Variants in DLG2 observed in about 807,000 individuals in gnomAD.
DLG2 encodes discs large MAGUK scaffold protein 2, also known as disks large homolog 2.
A neutral mutation model predicts 132.5 loss-of-function variants in DLG2; 45 were observed. The ratio of observed to expected loss-of-function variants is 0.34; its 90% CI spans 0.27 to 0.44. DLG2 has a LOEUF of 0.44. Ranked by LOEUF, DLG2 falls within the 20% of genes least tolerant of loss-of-function variation. The pLI is 1.00. For missense variants in DLG2, 1,045 were observed against 1,196.9 expected (o/e 0.87, Z 1.87); for synonymous variants, 424 against 419.6 (o/e 1.01, Z -0.13).
intron 21 of DLG2, among the ~76,000 whole-genome samples, chr11:83,521,941 T>C (rs2095490393): frequency 6.6e-6 from 1 of 152,060 alleles, no homozygotes; most frequent in Non-Finnish European, 1.5e-5. Flanking sequence ...CACTCCTCCA[T>C]CCAATAACCT....
rs1032594600 is a variant in DLG2, at chr11:83,466,830, G to A, written c.2620-13C>T. On this transcript the variant is annotated splice_polypyrimidine_tract_variant and intron_variant, in intron 25 of 27. Coordinates refer to ENST00000376104, the MANE Select transcript of DLG2 (RefSeq NM_001142699.3). ...TACAGTGTTTGCCCTGGTAGAAAGA[G>A]AAGAAAAATATGAAGTTAATATAGG... 2 of 1,571,640 alleles carry A rather than the reference G, an allele frequency of 1.3e-6. No homozygotes were observed. The highest frequency in any genetic ancestry group is 1.8e-6 in the Non-Finnish European group (2 of 1,141,714).
chr11:84,199,567 G>A (rs1452967144), intron 8 of DLG2, among the ~76,000 whole-genome samples: 1 of 151,824 alleles, frequency 6.6e-6, no homozygotes, highest in Non-Finnish European at 1.5e-5. Flanking sequence ...AGAAAAAATG[G>A]AAGAACAAAT....
chr11:83,925,567 T>G (rs1357344528), intron 15 of DLG2, among the ~76,000 whole-genome samples: 1 of 152,040 alleles, frequency 6.6e-6, no homozygotes, highest in Non-Finnish European at 1.5e-5. Flanking sequence ...TCCCTAACAT[T>G]AAGGATGATG....
At chr11:84,164,349 T>TTG (rs1372088636) in intron 8 of DLG2, among the ~76,000 whole-genome samples, 1 of 152,220 alleles carries the variant, frequency 6.6e-6, no homozygotes, top group Non-Finnish European at 1.5e-5. Context: ...AAGAAAATTC[T>TTG]CAAATCGGTT....
At chr11:83,769,948 G>A (rs2094315778) in intron 18 of DLG2, among the ~76,000 whole-genome samples, 1 of 152,124 alleles carries the variant, frequency 6.6e-6, no homozygotes, top group African/African-American at 2.4e-5. Flanking sequence ...GTTGTCCTCT[G>A]GAATGGAGGG....
At chr11:85,240,158 T>A (rs539064101) in intron 4 of DLG2, among the ~76,000 whole-genome samples, 1 of 152,078 alleles carries the variant, frequency 6.6e-6, no homozygotes. Context: ...GTTGAACTTA[T>A]CTTTATATAT....
intron 8 of DLG2, among the ~76,000 whole-genome samples, chr11:84,213,087 C>A (rs1225472027): frequency 6.6e-6 from 1 of 152,134 alleles, no homozygotes; most frequent in Non-Finnish European, 1.5e-5. Flanking sequence ...TTTACCAACT[C>A]CCTAGGCCTT....
intron 10 of DLG2, among the ~76,000 whole-genome samples, chr11:84,084,418 G>T (rs1202641931): frequency 6.6e-6 from 1 of 152,140 alleles, no homozygotes; most frequent in Admixed American, 6.6e-5. Context: ...AGAGGGAAGG[G>T]TATTTTGTGA....
chr11:84,816,793 T>C (rs542405338), intron 6 of DLG2, among the ~76,000 whole-genome samples: 1 of 152,080 alleles, frequency 6.6e-6, no homozygotes, highest in East Asian at 1.9e-4. Flanking sequence ...AATAATAATA[T>C]ACATGAAATC....
intron 16 of DLG2, among the ~76,000 whole-genome samples, chr11:83,847,439 A>G (rs1348585568): frequency 1.3e-5 from 2 of 152,216 alleles, no homozygotes; most frequent in Non-Finnish European, 2.9e-5. Flanking sequence ...ACCCTCTACA[A>G]TTAGTGTGAT....
chr11:84,015,620 G>A (rs2095137805), intron 11 of DLG2, among the ~76,000 whole-genome samples: 1 of 152,070 alleles, frequency 6.6e-6, no homozygotes, highest in Admixed American at 6.6e-5. Context: ...CCAGTTATAA[G>A]TGGGAACGGG....
At chr11:83,766,396 CTTT>C (rs35039524) in intron 18 of DLG2, among the ~76,000 whole-genome samples, 1 of 132,400 alleles carries the variant, frequency 7.6e-6, no homozygotes, top group Non-Finnish European at 1.6e-5. Context: ...CCTGGCCTGC[CTTT>C]TTTTTTTTTT....
chr11:84,808,756 T>C (rs1245359127), intron 6 of DLG2, among the ~76,000 whole-genome samples: 1 of 151,934 alleles, frequency 6.6e-6, no homozygotes, highest in African/African-American at 2.4e-5. Flanking sequence ...CAACCCAATA[T>C]GTGATAGATA....
rs111644735 is a variant in DLG2 at position 84,819,076 on chromosome 11, T to TACAC, written c.358-284349_358-284346dup. ...TGGCCCACACTCCCTCACTCACAAA[T>TACAC]ACACACACACACACACACACACACA... On this transcript the variant is annotated intron_variant, in intron 6 of 27. Transcript: ENST00000376104. Among the ~76,000 whole-genome samples, 379 of 129,512 alleles carry TACAC rather than the reference T, an allele frequency of 2.9e-3. 3 individuals are homozygous for TACAC. Among genetic ancestry groups the TACAC allele is most frequent in the South Asian group, 0.013 (47 of 3,648 alleles). 85.0% of individuals were successfully genotyped at this position (129,512 alleles called of 152,430 possible). A position where few individuals can be genotyped will look rare whatever the true frequency, so the allele number is the denominator to read the frequency against.
intron 3 of DLG2, among the ~76,000 whole-genome samples, chr11:85,467,776 T>C (rs962813881): frequency 6.6e-6 from 1 of 152,212 alleles, no homozygotes; most frequent in Non-Finnish European, 1.5e-5. Flanking sequence ...ATTATCTTTT[T>C]TTGTTATGTC....
intron 4 of DLG2, among the ~76,000 whole-genome samples, chr11:85,219,187 G>A (rs951758974): frequency 2.0e-5 from 3 of 152,066 alleles, no homozygotes; most frequent in Non-Finnish European, 4.4e-5. Context: ...ATATCCACAT[G>A]TAACAAACCT....
intron 18 of DLG2, chr11:83,651,604 T>A (rs1055522617): frequency 4.0e-6 from 1 of 252,120 alleles, no homozygotes; most frequent in East Asian, 8.5e-5. Flanking sequence ...CAGTGTCTGA[T>A]GATGTTGACA....
intron 21 of DLG2, among the ~76,000 whole-genome samples, chr11:83,519,300 G>A (rs1243365261): frequency 4.6e-5 from 7 of 152,190 alleles, no homozygotes; most frequent in African/African-American, 1.7e-4. Flanking sequence ...CATTGTGGAA[G>A]AAGATTTAGT....
chr11:84,843,992 G>A (rs1422946627), intron 6 of DLG2, among the ~76,000 whole-genome samples: 2 of 147,512 alleles, frequency 1.4e-5, no homozygotes, highest in African/African-American at 2.5e-5. Context: ...CATATATAAA[G>A]GTGATATATA....
Sources: gnomAD v4.1 joint callset for allele counts (sites outside exome capture counted in the v4.1 genomes callset) on GRCh38, gnomAD v4.1.1 for gene constraint, MANE v1.5 for transcripts, NCBI Gene and HGNC (gene_info 2026-07-23, HGNC 2026-07-21) for gene names.